The following CAAP1 variants were observed in gnomAD, a reference collection of about 807,000 sequenced individuals.
CAAP1 encodes the protein caspase activity and apoptosis inhibitor 1.
Under a neutral mutation model 34.0 loss-of-function variants are expected in CAAP1, and 20 were observed. The ratio of observed to expected loss-of-function variants is 0.59; its 90% confidence interval spans 0.41 to 0.86. The LOEUF is 0.86. CAAP1 is among the 40% of genes least tolerant of loss of function. The pLI is 0.00. For synonymous variants in CAAP1, 213 were observed against 166.7 expected (o/e 1.28, Z -2.14); for missense variants, 538 against 450.5 (o/e 1.19, Z -1.76).
chr9:26,869,464 G>A (rs1279930015), intron 4 of CAAP1, among the ~76,000 whole-genome samples: 1 of 151,874 alleles, frequency 6.6e-6, no homozygotes, highest in Non-Finnish European at 1.5e-5. Context: ...ATAAACCATT[G>A]TTGACATTTC....
Position 26,842,185 on chromosome 9 carries a change from T to C in CAAP1, c.*116A>G, listed in dbSNP as rs1822496819. 2 of 757,066 alleles carry C rather than the reference T, an allele frequency of 2.6e-6. No homozygotes were observed. The highest frequency in any genetic ancestry group is 3.4e-5 in the Admixed American group (1 of 29,680). The allele number at this position is 757,066 out of a possible 1,614,324, so 46.9% of individuals were successfully genotyped here. A position where few individuals can be genotyped will look rare whatever the true frequency, so the allele number is the denominator to read the frequency against. ...ACAGGTAATTTAGGGCTAAAATGAG[T>C]CCTAATAAGGGTTACATGAGAAATA... is the stretch of plus-strand genomic sequence containing the variant. On this transcript the variant is annotated 3_prime_UTR_variant, in exon 6 of 6. Coordinates refer to ENST00000333916, the MANE Select transcript of CAAP1 (RefSeq NM_024828.4).
At chr9:26,886,551 A>T (rs10738761) in intron 2 of CAAP1, among the ~76,000 whole-genome samples, 149,516 of 152,272 alleles carry the variant, frequency 0.98, 73,458 homozygotes, top group East Asian at 1. Context: ...AACTTTAGTG[A>T]CCAAGGCCAA....
chr9:26,883,019 A>G (rs1478415285), intron 4 of CAAP1, among the ~76,000 whole-genome samples: 5 of 152,072 alleles, frequency 3.3e-5, no homozygotes, highest in African/African-American at 1.2e-4. Flanking sequence ...GAAGTAACTA[A>G]CTTGCTTTTG....
chr9:26,853,771 CAA>C (rs1318763336), intron 5 of CAAP1, among the ~76,000 whole-genome samples: 1 of 152,034 alleles, frequency 6.6e-6, no homozygotes, highest in East Asian at 1.9e-4. Context: ...CTCGGCAGCA[CAA>C]AGAGTTCATC....
At chr9:26,856,296 A>T (rs1822869212) in intron 5 of CAAP1, among the ~76,000 whole-genome samples, 1 of 152,162 alleles carries the variant, frequency 6.6e-6, no homozygotes, top group Admixed American at 6.5e-5. Context: ...CCATTTAATT[A>T]TATTATTTAT....
At chr9:26,874,508 A>T (rs1447268958) in intron 4 of CAAP1, among the ~76,000 whole-genome samples, 2 of 152,114 alleles carry the variant, frequency 1.3e-5, no homozygotes, top group African/African-American at 4.8e-5. Flanking sequence ...CTACTGAACT[A>T]ACTTTCTTTA....
At chr9:26,855,272 A>G (rs945909457) in intron 5 of CAAP1, among the ~76,000 whole-genome samples, 1 of 152,250 alleles carries the variant, frequency 6.6e-6, no homozygotes, top group African/African-American at 2.4e-5. Flanking sequence ...AGATTCCAGG[A>G]CAAGCATAAC....
At chr9:26,867,755 T>C (rs1404094224) in intron 4 of CAAP1, among the ~76,000 whole-genome samples, 2 of 152,160 alleles carry the variant, frequency 1.3e-5, no homozygotes, top group Non-Finnish European at 2.9e-5. Flanking sequence ...TATTAATATG[T>C]CCATAAGTAT....
At position 26,842,514 on chromosome 9, in the gene CAAP1, T is replaced by G; in HGVS notation, c.873A>C (p.Ile291=). The stretch of plus-strand genomic sequence containing the variant: ...TCTCAATGTCTTTCTCCAGGTCATC[T>G]ATCTGACCAGCTTCACTTTGGACTG... ...ENTVQSEAGQ[I]DDLEKDIEKS... The change falls in exon 6 of 6, where the codon ATA becomes ATC. Residue 291 remains isoleucine (I), a synonymous_variant. Coordinates refer to ENST00000333916, the MANE Select transcript of CAAP1 (RefSeq NM_024828.4). 1 of 1,614,230 alleles carries G rather than the reference T, an allele frequency of 6.2e-7. No homozygotes were observed. Among genetic ancestry groups the G allele is most frequent in the Non-Finnish European group, 8.5e-7 (1 of 1,180,046 alleles).
intron 4 of CAAP1, among the ~76,000 whole-genome samples, chr9:26,881,109 C>T (rs1020705979): frequency 6.6e-6 from 1 of 152,096 alleles, no homozygotes; most frequent in Non-Finnish European, 1.5e-5. Context: ...ACAAATTCAA[C>T]ATCAACCTGG....
chr9:26,869,797 CTG>C (rs1169825863), intron 4 of CAAP1: 2 of 228,732 alleles, frequency 8.7e-6, no homozygotes, highest in Middle Eastern at 2.3e-3. Flanking sequence ...ATTTAGGACA[CTG>C]TGAACATTAG....
intron 5 of CAAP1, among the ~76,000 whole-genome samples, chr9:26,844,998 C>G (rs1822563932): frequency 6.6e-6 from 1 of 152,178 alleles, no homozygotes. Context: ...TACTTTCTTG[C>G]TTTCTGACTT....
rs1166361605 is a variant in CAAP1, at chr9:26,892,431, G to C, written c.285C>G (p.Val95=). The C allele has an allele frequency of 3.7e-6, 6 of 1,602,820 alleles. No individual in the cohort carries two copies. The highest frequency in any genetic ancestry group is 2.7e-5 in the African/African-American group (2 of 74,774). The change falls in exon 1 of 6, where the codon GTC becomes GTG. Residue 95 remains valine (V), a synonymous_variant. Transcript: ENST00000333916. ...CACGCACCTGCTGCAAGGAGCCCGAGACGCTGGAAGAGTCGGTACTCCTCC... is the reference window on the plus strand; with the variant it reads ...CACGCACCTGCTGCAAGGAGCCCGACACGCTGGAAGAGTCGGTACTCCTCC... ...RKRRSTDSSS[V]SGSLQQETKY... is the part of the protein sequence containing the mutation.
chr9:26,889,473 A>G (rs1395055167), intron 1 of CAAP1, among the ~76,000 whole-genome samples: 1 of 152,130 alleles, frequency 6.6e-6, no homozygotes, highest in Non-Finnish European at 1.5e-5. Context: ...TACAACTCTG[A>G]ATATATACAA....
chr9:26,841,002 T>C lies in CAAP1; in HGVS notation c.*1299A>G, dbSNP rs1372645409. On this transcript the variant is annotated 3_prime_UTR_variant, in exon 6 of 6. Coordinates refer to ENST00000333916, the MANE Select transcript of CAAP1 (RefSeq NM_024828.4). ...TATGGAGGGGGAAAAAATGGTAGAATTATTCCAAGGCATGTTCAGGAACAA... is the reference window on the plus strand; with the variant it reads ...TATGGAGGGGGAAAAAATGGTAGAACTATTCCAAGGCATGTTCAGGAACAA... The C allele has an allele frequency of 6.6e-6, 1 of 152,134 alleles. No individual in the cohort carries two copies. The highest frequency in any genetic ancestry group is 1.9e-4 in the East Asian group (1 of 5,198). 9.4% of individuals were successfully genotyped at this position (152,134 alleles called of 1,614,324 possible). A position where few individuals can be genotyped will look rare whatever the true frequency, so the allele number is the denominator to read the frequency against.
chr9:26,892,202 G>A (rs1587135059), intron 1 of CAAP1: 5 of 1,345,628 alleles, frequency 3.7e-6, no homozygotes, highest in Non-Finnish European at 2.9e-6. Context: ...AAGTGATCAG[G>A]AAATCCAGAA....
chr9:26,860,986 G>T, intron 5 of CAAP1, 80 bp downstream of exon 5: 1 of 991,252 alleles, frequency 1.0e-6, no homozygotes, highest in South Asian at 1.3e-5. Context: ...GGGTGAGTTA[G>T]ACACTGAAAA....
At chr9:26,883,050 G>T (rs1229403861) in intron 4 of CAAP1, among the ~76,000 whole-genome samples, 1 of 152,180 alleles carries the variant, frequency 6.6e-6, no homozygotes, top group African/African-American at 2.4e-5. Context: ...CTCATAGGCG[G>T]AAGGGACTTG....
intron 5 of CAAP1, among the ~76,000 whole-genome samples, chr9:26,845,915 GTTGT>G (rs1474879087): frequency 6.6e-6 from 1 of 152,008 alleles, no homozygotes; most frequent in Non-Finnish European, 1.5e-5. Context: ...TTTTTGAGCA[GTTGT>G]TTATTTCTCT....
Sources: gnomAD v4.1 joint callset for allele counts (sites outside exome capture counted in the v4.1 genomes callset) on GRCh38, gnomAD v4.1.1 for gene constraint, MANE v1.5 for transcripts, NCBI Gene and HGNC (gene_info 2026-07-23, HGNC 2026-07-21) for gene names.